Variants in PXDNL observed in about 807,000 individuals in gnomAD.
The protein encoded by PXDNL is probable oxidoreductase PXDNL.
A neutral mutation model predicts 150.8 loss-of-function variants in PXDNL; 145 were observed. The observed-to-expected ratio is 0.96, with a 90% CI of 0.84 to 1.10. The LOEUF (loss-of-function observed/expected upper bound fraction) is 1.10, where lower values mean the gene tolerates loss of function less well. PXDNL is among the 50% of genes least tolerant of loss of function. PXDNL has a pLI of 0.00. For missense variants in PXDNL, 2,087 were observed against 1,873.9 expected, an observed-to-expected ratio of 1.11 and a Z score of -2.10; for synonymous variants, 757 against 725.7, an observed-to-expected ratio of 1.04 and a Z score of -0.69.
At position 51,535,111 on chromosome 8, in the gene PXDNL, G is replaced by A. The variant is rs1164845788; in HGVS notation, c.380+21729C>T. ...AGGGTGGTGGGGGGGTCAGCCCCCC[G>A]CCCGGCCAGCCGCCCCATCCGGGAG... On this transcript the variant is annotated intron_variant, in intron 4 of 22. Coordinates refer to ENST00000356297, the MANE Select transcript of PXDNL (RefSeq NM_144651.5). Among the ~76,000 whole-genome samples the A allele has an allele frequency of 2.1e-4, 26 of 121,190 alleles. 1 individual carries two copies. Among genetic ancestry groups the A allele is most frequent in the Admixed American group, 3.7e-4 (5 of 13,398 alleles). 79.5% of individuals were successfully genotyped at this position (121,190 alleles called of 152,430 possible).
At chr8:51,488,339 G>A (rs1810814446) in intron 5 of PXDNL, among the ~76,000 whole-genome samples, 1 of 152,170 alleles carries the variant, frequency 6.6e-6, no homozygotes, top group Non-Finnish European at 1.5e-5. Context: ...GTGTCGCCCA[G>A]AGACCCCAAA....
chr8:51,400,242 TGCAG>T (rs1808206820), intron 17 of PXDNL, among the ~76,000 whole-genome samples: 1 of 152,168 alleles, frequency 6.6e-6, no homozygotes, highest in African/African-American at 2.4e-5. Flanking sequence ...AAAGATATAT[TGCAG>T]CTGAAGGGGG....
At chr8:51,631,481 G>A (rs1033986748) in intron 2 of PXDNL, among the ~76,000 whole-genome samples, 7 of 151,922 alleles carry the variant, frequency 4.6e-5, no homozygotes, top group African/African-American at 1.5e-4. Context: ...AGATAAACAA[G>A]AGCTAAGAGA....
At chr8:51,450,989 T>A (rs940761236) in intron 10 of PXDNL, among the ~76,000 whole-genome samples, 22 of 152,198 alleles carry the variant, frequency 1.4e-4, no homozygotes, top group Admixed American at 1.3e-3. Context: ...AAAAAATAGA[T>A]TCATGACACA....
chr8:51,685,457 C>T (rs927057352), intron 1 of PXDNL, among the ~76,000 whole-genome samples: 1 of 152,204 alleles, frequency 6.6e-6, no homozygotes, highest in African/African-American at 2.4e-5. Context: ...GCCATCTCCC[C>T]AAAAACCACT....
At chr8:51,418,683 C>T (rs542095708) in intron 14 of PXDNL, among the ~76,000 whole-genome samples, 2 of 152,104 alleles carry the variant, frequency 1.3e-5, no homozygotes, top group Non-Finnish European at 2.9e-5. Flanking sequence ...ACTGATATTC[C>T]TATGAGTTTA....
intron 12 of PXDNL, among the ~76,000 whole-genome samples, chr8:51,438,376 G>A (rs1015022947): frequency 6.6e-6 from 1 of 152,038 alleles, no homozygotes; most frequent in African/African-American, 2.4e-5. Context: ...AGCAAAAAGA[G>A]CAAATCTAGA....
rs1808642618 is a variant in PXDNL, at chr8:51,411,410, G to A, written c.1905-3C>T. On this transcript the variant is annotated splice_polypyrimidine_tract_variant and splice_region_variant and intron_variant, in intron 15 of 22. Transcript: ENST00000356297. Reference sequence around the variant, plus strand: ...GGTCACTGGAGGTGTGAGGTTTTCTGCAAATGACAAAACACATGATTCTTT... The same window carrying A: ...GGTCACTGGAGGTGTGAGGTTTTCTACAAATGACAAAACACATGATTCTTT... 1.3e-6 allele frequency: 2 copies of A among 1,569,172 alleles called. No individual in the cohort carries two copies. Among genetic ancestry groups the A allele is most frequent in the Non-Finnish European group, 8.6e-7 (1 of 1,164,010 alleles).
At chr8:51,565,703 T>C (rs1812813960) in intron 3 of PXDNL, among the ~76,000 whole-genome samples, 1 of 151,898 alleles carries the variant, frequency 6.6e-6, no homozygotes, top group Non-Finnish European at 1.5e-5. Flanking sequence ...ATTATTAAAA[T>C]ATTTTATAAA....
At chr8:51,447,223 T>C in intron 11 of PXDNL, 61 bp from the exon 12 acceptor site, 2 of 1,544,464 alleles carry the variant, frequency 1.3e-6, no homozygotes, top group Non-Finnish European at 1.8e-6. Flanking sequence ...CCAGAGCTGC[T>C]GGCTGTCCTG....
rs2037689928 is a variant in PXDNL at position 51,807,431 on chromosome 8, C to T, written c.164+1750G>A. Among the ~76,000 whole-genome samples, 2 of 152,196 alleles carry T rather than the reference C, an allele frequency of 1.3e-5. 1 individual carries two copies. The highest frequency in any genetic ancestry group is 4.1e-4 in the South Asian group (2 of 4,836). ...ATCCGCCCCCACTATCCAATCACCTCCCACTGCACCCCACCTCCAACATTG... is the reference window on the plus strand; with the variant it reads ...ATCCGCCCCCACTATCCAATCACCTTCCACTGCACCCCACCTCCAACATTG... On this transcript the variant is annotated intron_variant, in intron 1 of 22. Coordinates refer to ENST00000356297, the MANE Select transcript of PXDNL (RefSeq NM_144651.5).
intron 10 of PXDNL, among the ~76,000 whole-genome samples, chr8:51,449,388 T>C (rs1393382358): frequency 6.6e-6 from 1 of 152,232 alleles, no homozygotes; most frequent in Non-Finnish European, 1.5e-5. Context: ...CTGTTTCCCA[T>C]GATTGAATCA....
chr8:51,567,334 G>A (rs1812849384), intron 3 of PXDNL, among the ~76,000 whole-genome samples: 1 of 151,668 alleles, frequency 6.6e-6, no homozygotes, highest in South Asian at 2.1e-4. Flanking sequence ...CTAGTTTTCT[G>A]CCTGCTGGAT....
intron 1 of PXDNL, among the ~76,000 whole-genome samples, chr8:51,784,449 C>T (rs1295613107): frequency 6.6e-6 from 1 of 152,158 alleles, no homozygotes; most frequent in African/African-American, 2.4e-5. Flanking sequence ...TTCATATCTG[C>T]CATAAAGGCA....
chr8:51,743,418 C>T (rs926360230), intron 1 of PXDNL, among the ~76,000 whole-genome samples: 4 of 151,704 alleles, frequency 2.6e-5, no homozygotes, highest in African/African-American at 7.3e-5. Context: ...TTGCTCTGTC[C>T]CCCAGGCTGC....
chr8:51,392,026 C>T (rs577246508), intron 17 of PXDNL, among the ~76,000 whole-genome samples: 2 of 152,218 alleles, frequency 1.3e-5, no homozygotes, highest in South Asian at 4.1e-4. Context: ...TTTTCTCAGG[C>T]TTGTCAAAGA....
Position 51,408,381 on chromosome 8 carries a change from G to A in PXDNL, c.3243C>T (p.Phe1081=). The A allele has an allele frequency of 6.2e-7, 1 of 1,614,044 alleles. No individual in the cohort carries two copies. The highest frequency in any genetic ancestry group is 8.5e-7 in the Non-Finnish European group (1 of 1,179,896). ...LGEISEGHLP[F]HKALFSPSRI... Reference sequence around the variant, plus strand: ...TGGACGGTGAAAAGAGCGCTTTATGGAACGGAAGGTGGCCTTCGGAAATTT... The same window carrying A: ...TGGACGGTGAAAAGAGCGCTTTATGAAACGGAAGGTGGCCTTCGGAAATTT... Residue 1081 remains phenylalanine (F), a synonymous_variant, in exon 17 of 23, where the codon TTC becomes TTT. Coordinates refer to ENST00000356297, the MANE Select transcript of PXDNL (RefSeq NM_144651.5).
rs1027427653 is a variant in PXDNL, at chr8:51,626,359, A to G, written c.236+28330T>C. ...GGTTATGAAAAGAAAACCATTCTCT[A>G]TCTCAATCCATGCTTCTAAAACCTC... On this transcript the variant is annotated intron_variant, in intron 2 of 22. Transcript: ENST00000356297. Among the ~76,000 whole-genome samples, 12 of 152,190 alleles carry G rather than the reference A, an allele frequency of 7.9e-5. No homozygotes were observed. In the East Asian group the frequency reaches 1.9e-3, roughly 24 times the overall value.
In PXDNL at chr8:51,726,325, T is replaced by C. The variant is rs529630304; in HGVS notation, c.165-71565A>G. Among the ~76,000 whole-genome samples the C allele has an allele frequency of 5.3e-5, 8 of 152,352 alleles. No homozygotes were observed. The South Asian group carries it at 1.4e-3, about 28-fold the overall frequency. ...CTAGTGGATGAACACGCCGGCTCTA[T>C]GCCAGCTCTCATACTTCTGGATCCT... On this transcript the variant is annotated intron_variant, in intron 1 of 22. Coordinates refer to ENST00000356297, the MANE Select transcript of PXDNL (RefSeq NM_144651.5).
Sources: gnomAD v4.1 joint callset for allele counts (sites outside exome capture counted in the v4.1 genomes callset) on GRCh38, gnomAD v4.1.1 for gene constraint, MANE v1.5 for transcripts, NCBI Gene and HGNC (gene_info 2026-07-23, HGNC 2026-07-21) for gene names.